CDYL2: variants seen among roughly 807,000 people sequenced by gnomAD.
CDYL2 encodes the protein chromodomain Y like 2, also known as chromodomain Y-like protein 2.
CDYL2 carries 23 observed loss-of-function variants against 49.4 expected under a neutral mutation model. That is an observed-to-expected ratio of 0.47 (90% CI 0.34 to 0.66). The LOEUF is 0.66. Ranked by LOEUF, CDYL2 falls within the 30% of genes least tolerant of loss-of-function variation. The probability of loss-of-function intolerance (pLI) is 0.01; values close to 1 mark genes in which losing one functional copy is unlikely to be tolerated. For synonymous variants in CDYL2, 360 were observed against 268.8 expected (o/e 1.34, Z -3.32); for missense variants, 678 against 656.4 (o/e 1.03, Z -0.36).
intron 1 of CDYL2, among the ~76,000 whole-genome samples, chr16:80,742,595 G>C (rs1905780608): frequency 6.6e-6 from 1 of 151,806 alleles, no homozygotes; most frequent in African/African-American, 2.4e-5. Context: ...TGGGTAGATA[G>C]GTGGAGGATG....
chr16:80,779,110 G>T (rs1273586330), intron 1 of CDYL2, among the ~76,000 whole-genome samples: 1 of 152,012 alleles, frequency 6.6e-6, no homozygotes, highest in Non-Finnish European at 1.5e-5. Flanking sequence ...AAGAAGGAAG[G>T]AAGGAGGAAG....
chr16:80,675,835 T>A (rs1305308448), intron 2 of CDYL2, among the ~76,000 whole-genome samples: 1 of 151,982 alleles, frequency 6.6e-6, no homozygotes, highest in African/African-American at 2.4e-5. Context: ...TCGCTTCCAC[T>A]CCCCCACTAT....
chr16:80,676,967 T>C (rs1265073216), intron 2 of CDYL2, among the ~76,000 whole-genome samples: 21 of 136,898 alleles, frequency 1.5e-4, no homozygotes, highest in African/African-American at 5.7e-4. Flanking sequence ...CAATGTATTT[T>C]TTTTTTTTTT....
rs139109819 is a variant in CDYL2 at position 80,712,664 on chromosome 16, C to T, written c.25-27535G>A. Among the ~76,000 whole-genome samples the T allele has an allele frequency of 7.4e-3, 1,123 of 152,182 alleles. 10 individuals carry two copies. The highest frequency in any genetic ancestry group is 0.025 in the African/African-American group (1,056 of 41,500). Reference sequence around the variant, plus strand: ...GGAAAGGAAAACCAAACCACAATGGCCCCCAAAAGGTGCCTATGGGTAACA... The same window carrying T: ...GGAAAGGAAAACCAAACCACAATGGTCCCCAAAAGGTGCCTATGGGTAACA... On this transcript the variant is annotated intron_variant, in intron 1 of 6. Coordinates refer to ENST00000570137, the MANE Select transcript of CDYL2 (RefSeq NM_152342.4).
At chr16:80,677,445 C>G (rs969825224) in intron 2 of CDYL2, among the ~76,000 whole-genome samples, 1 of 152,068 alleles carries the variant, frequency 6.6e-6, no homozygotes, top group East Asian at 1.9e-4. Flanking sequence ...TATCAATAAA[C>G]AAGGAGGTGT....
chr16:80,739,873 G>C (rs1905675471), intron 1 of CDYL2, among the ~76,000 whole-genome samples: 1 of 152,194 alleles, frequency 6.6e-6, no homozygotes, highest in African/African-American at 2.4e-5. Context: ...CCAATTACCT[G>C]AAATGCTGAT....
At chr16:80,747,132 C>G (rs1286154574) in intron 1 of CDYL2, among the ~76,000 whole-genome samples, 9 of 151,910 alleles carry the variant, frequency 5.9e-5, no homozygotes, top group Non-Finnish European at 1.3e-4. Flanking sequence ...AGAAAATCAG[C>G]AAAACAAAAT....
chr16:80,765,730 A>C (rs1906698145), intron 1 of CDYL2, among the ~76,000 whole-genome samples: 1 of 80,626 alleles, frequency 1.2e-5, no homozygotes, highest in Non-Finnish European at 2.4e-5. Context: ...ATTAATCGCA[A>C]AAAAAAAAAA....
intron 6 of CDYL2, among the ~76,000 whole-genome samples, chr16:80,604,817 G>A (rs989641919): frequency 6.6e-6 from 1 of 152,220 alleles, no homozygotes; most frequent in Non-Finnish European, 1.5e-5. Flanking sequence ...GCCCAATGGT[G>A]ATACAAACAC....
intron 5 of CDYL2, 26 bp from the exon 6 acceptor site, chr16:80,608,261 CTG>C: frequency 6.5e-7 from 1 of 1,540,088 alleles, no homozygotes; most frequent in Non-Finnish European, 8.8e-7. Context: ...CAGGCAAAGA[CTG>C]AGGGCCTGGA....
intron 1 of CDYL2, among the ~76,000 whole-genome samples, chr16:80,692,677 T>C (rs972010009): frequency 6.6e-6 from 1 of 152,198 alleles, no homozygotes; most frequent in African/African-American, 2.4e-5. Flanking sequence ...GCATATATAA[T>C]GTGAAAATAG....
At chr16:80,670,676 C>T (rs142516881) in intron 2 of CDYL2, among the ~76,000 whole-genome samples, 76 of 152,228 alleles carry the variant, frequency 5.0e-4, no homozygotes, top group African/African-American at 1.7e-3. Flanking sequence ...CTTAATGACA[C>T]GAGGTGCGCA....
At chr16:80,747,497 G>A (rs943189610) in intron 1 of CDYL2, among the ~76,000 whole-genome samples, 1 of 152,208 alleles carries the variant, frequency 6.6e-6, no homozygotes. Flanking sequence ...CAAGGCCTGG[G>A]CCTATTACGT....
At chr16:80,771,424 G>C (rs928893141) in intron 1 of CDYL2, among the ~76,000 whole-genome samples, 1 of 152,174 alleles carries the variant, frequency 6.6e-6, no homozygotes, top group Non-Finnish European at 1.5e-5. Flanking sequence ...ACGAAAACTG[G>C]CCAGTGCAGT....
At chr16:80,712,690 C>G (rs1346352930) in intron 1 of CDYL2, among the ~76,000 whole-genome samples, 1 of 152,122 alleles carries the variant, frequency 6.6e-6, no homozygotes, top group Admixed American at 6.5e-5. Context: ...ATGGGTAACA[C>G]AGCCCTAAGC....
intron 4 of CDYL2, among the ~76,000 whole-genome samples, chr16:80,614,870 A>G (rs963500718): frequency 3.4e-5 from 3 of 89,512 alleles, no homozygotes; most frequent in Non-Finnish European, 1.9e-5. Flanking sequence ...TCTCAGGGAG[A>G]AAAAAAAAAA....
At chr16:80,758,062 G>T (rs974958909) in intron 1 of CDYL2, among the ~76,000 whole-genome samples, 1 of 151,984 alleles carries the variant, frequency 6.6e-6, no homozygotes, top group African/African-American at 2.4e-5. Context: ...ATCTAAGGAA[G>T]AATAAGACAT....
chr16:80,773,380 CA>C (rs1242517428), intron 1 of CDYL2, among the ~76,000 whole-genome samples: 1 of 152,030 alleles, frequency 6.6e-6, no homozygotes, highest in Non-Finnish European at 1.5e-5. Context: ...ATAATCGGAA[CA>C]GAGATTTTTC....
chr16:80,721,683 G>C (rs984341895), intron 1 of CDYL2, among the ~76,000 whole-genome samples: 1 of 152,178 alleles, frequency 6.6e-6, no homozygotes, highest in East Asian at 1.9e-4. Context: ...CTGTAATCAG[G>C]ATTGAAATCA....
Sources: allele counts gnomAD v4.1 joint callset (sites outside exome capture counted in the v4.1 genomes callset), GRCh38; gene constraint gnomAD v4.1.1; transcripts MANE v1.5; gene names NCBI Gene and HGNC (gene_info 2026-07-23, HGNC 2026-07-21).